The following EMILIN2 variants were observed in gnomAD, a reference collection of about 807,000 sequenced individuals.
EMILIN2 encodes the protein elastin microfibril interfacer 2.
EMILIN2 carries 71 observed loss-of-function variants against 87.1 expected under a neutral mutation model. The ratio of observed to expected loss-of-function variants is 0.82; its 90% CI spans 0.67 to 0.99. The LOEUF (loss-of-function observed/expected upper bound fraction) is 0.99, where lower values mean the gene tolerates loss of function less well. Among genes scored for constraint, EMILIN2 ranks in the 50% least tolerant of loss-of-function variants. The pLI is 0.00. For missense variants in EMILIN2, 1,407 were observed against 1,371.8 expected, an observed-to-expected ratio of 1.03 and a Z score of -0.40; for synonymous variants, 581 against 563.4, an observed-to-expected ratio of 1.03 and a Z score of -0.44.
At chr18:2,851,173 C>A (rs2076599586) in intron 2 of EMILIN2, among the ~76,000 whole-genome samples, 1 of 151,484 alleles carries the variant, frequency 6.6e-6, no homozygotes. Flanking sequence ...CAGGATGGCT[C>A]TTGCCTGTAA....
At chr18:2,875,953 A>G (rs2076745158) in intron 2 of EMILIN2, among the ~76,000 whole-genome samples, 1 of 151,760 alleles carries the variant, frequency 6.6e-6, no homozygotes, top group East Asian at 1.9e-4. Flanking sequence ...CAGGGCAAAA[A>G]TACTGAGAAG....
chr18:2,908,970 C>T lies in EMILIN2; in HGVS notation c.2690C>T (p.Ser897Phe). The T allele has an allele frequency of 1.2e-6, 2 of 1,613,410 alleles. No homozygotes were observed. Among genetic ancestry groups the T allele is most frequent in the East Asian group, 2.2e-5 (1 of 44,872 alleles). The change falls in exon 6 of 8, where the codon TCC becomes TTC. Residue 897 changes from serine (S) to phenylalanine (F), a missense_variant. Physicochemically the swap from Ser to Phe is radical, Grantham distance 155 (BLOSUM62 -2). Transcript: ENST00000254528. Reference protein sequence around the residue: ...PGYPKSPPVASPGAPVPSLVS... With the variant: ...PGYPKSPPVAFPGAPVPSLVS... ...TACCCGAAGTCACCTCCTGTAGCTTCCCCAGGTATGTCTGCTGAGAGACCA... is the reference window on the plus strand; with the variant it reads ...TACCCGAAGTCACCTCCTGTAGCTTTCCCAGGTATGTCTGCTGAGAGACCA...
At chr18:2,878,389 T>C (rs11659962) in intron 2 of EMILIN2, among the ~76,000 whole-genome samples, 95,232 of 151,616 alleles carry the variant, frequency 0.63, 30,513 homozygotes, top group East Asian at 0.92. Context: ...ATTTGCGAGA[T>C]TGAGGCAGGA....
intron 2 of EMILIN2, among the ~76,000 whole-genome samples, chr18:2,869,961 A>G (rs943742604): frequency 1.2e-4 from 18 of 152,132 alleles, no homozygotes. Context: ...ATAATAATGG[A>G]CTAGGCATGG....
At chr18:2,877,397 G>A (rs1044318078) in intron 2 of EMILIN2, among the ~76,000 whole-genome samples, 1 of 148,480 alleles carries the variant, frequency 6.7e-6, no homozygotes, top group Non-Finnish European at 1.5e-5. Flanking sequence ...ATACCACATC[G>A]TCTAAGACAA....
rs771116027 is a variant in EMILIN2, at chr18:2,892,227, C to T, written c.2100C>T (p.Ser700=). Residue 700 remains serine, a synonymous_variant, in exon 4 of 8, where the codon TCC becomes TCT. Transcript: ENST00000254528. ...CGCAGGGGGTCCAGAGGGAGGTCTC[C>T]ATGGTGGAGGGCAGGGTGTCTCATA... ...ECTQGVQREV[S]MVEGRVSHME... 3 of 1,611,024 alleles carry T rather than the reference C, an allele frequency of 1.9e-6. No individual in the cohort carries two copies. In the South Asian group the frequency reaches 3.3e-5, roughly 18 times the overall value.
intron 3 of EMILIN2, among the ~76,000 whole-genome samples, chr18:2,886,476 C>T (rs2076804039): frequency 6.6e-6 from 1 of 152,196 alleles, no homozygotes; most frequent in Non-Finnish European, 1.5e-5. Flanking sequence ...ATGGGTAGTA[C>T]TTTAAACTCT....
At chr18:2,906,576 G>A (rs1261468012) in intron 4 of EMILIN2, 1 of 381,612 alleles carries the variant, frequency 2.6e-6, no homozygotes, top group Non-Finnish European at 4.6e-6. Context: ...CCCGGGCAGG[G>A]GTCCCCGGCG....
chr18:2,852,164 G>A lies in EMILIN2; in HGVS notation c.257+4233G>A, dbSNP rs186985207. ...AATGCATTTCTGTGTGCATTCGCGC[G>A]TGTGCATGCATGTGCCTGCATGTGC... On this transcript the variant is annotated intron_variant, in intron 2 of 7. Coordinates refer to ENST00000254528, the MANE Select transcript of EMILIN2 (RefSeq NM_032048.3). 5.3e-5 allele frequency among the ~76,000 whole-genome samples: 8 copies of A among 152,324 alleles called. No homozygotes were observed. In the East Asian group the frequency reaches 1.2e-3, roughly 22 times the overall value.
intron 2 of EMILIN2, among the ~76,000 whole-genome samples, chr18:2,858,569 A>ATGTGTGTGTGTGTGTGTGTG (rs1178571289): frequency 3.6e-5 from 2 of 55,430 alleles, no homozygotes; most frequent in African/African-American, 2.4e-4. Flanking sequence ...ATATATATAT[A>ATGTGTGTGTGTGTGTGTGTG]TGTGTGTGTG....
Position 2,847,867 on chromosome 18 carries a change from G to GA in EMILIN2, c.194dup (p.Ser66GlufsTer29). ...GAGCTGCTCCGTGCTGGAGGGAAGT[G>GA]AGAGTTTTATTCAGGCTCAGTACAA... On this transcript the variant is annotated frameshift_variant, in exon 2 of 8. Transcript: ENST00000254528. LOFTEE classifies it high-confidence loss of function. This position sits in a 1 kb window ranked among gnomAD's most constrained non-coding sequence, Gnocchi z 4.5. 6.2e-7 allele frequency: 1 copy of GA among 1,613,672 alleles called. No individual in the cohort carries two copies.
intron 2 of EMILIN2, among the ~76,000 whole-genome samples, chr18:2,876,476 C>T (rs536368142): frequency 3.3e-5 from 5 of 151,854 alleles, no homozygotes; most frequent in East Asian, 1.9e-4. Flanking sequence ...TTTAAAAATA[C>T]GTACAAAGCA....
At chr18:2,909,553 G>A (rs2076931111) in intron 6 of EMILIN2, 138 bp from the exon 7 acceptor site, 3 of 1,062,222 alleles carry the variant, frequency 2.8e-6, no homozygotes, top group Non-Finnish European at 4.1e-6. Flanking sequence ...TTGGGCATGA[G>A]GAGTTTGCTT....
chr18:2,881,143 G>A (rs2076775151), intron 2 of EMILIN2, among the ~76,000 whole-genome samples: 1 of 152,146 alleles, frequency 6.6e-6, no homozygotes, highest in African/African-American at 2.4e-5. Flanking sequence ...CTCCCCCTGA[G>A]CTCCCAACTG....
chr18:2,896,163 A>C (rs2076862461), intron 4 of EMILIN2, among the ~76,000 whole-genome samples: 1 of 152,028 alleles, frequency 6.6e-6, no homozygotes, highest in Non-Finnish European at 1.5e-5. Flanking sequence ...GCATATATAT[A>C]ATGAATAAAT....
At chr18:2,884,247 C>A (rs926889950) in intron 2 of EMILIN2, among the ~76,000 whole-genome samples, 1 of 151,874 alleles carries the variant, frequency 6.6e-6, no homozygotes, top group Non-Finnish European at 1.5e-5. Flanking sequence ...TGAGCCACCG[C>A]GCCCAGCCTC....
At chr18:2,885,429 G>GTGATT (rs1158973479) in intron 3 of EMILIN2, among the ~76,000 whole-genome samples, 2 of 152,216 alleles carry the variant, frequency 1.3e-5, no homozygotes, top group African/African-American at 4.8e-5. Context: ...TCACCTGGAG[G>GTGATT]CACAGCTGTG....
intron 5 of EMILIN2, 146 bp downstream of exon 5, chr18:2,907,231 G>C: frequency 1.1e-6 from 1 of 935,778 alleles, no homozygotes; most frequent in Non-Finnish European, 1.4e-6. Flanking sequence ...GGATGCCGAG[G>C]CCCGAGGGAC....
At chr18:2,913,004 T>TA in intron 7 of EMILIN2, 63 bp from the exon 8 acceptor site, 5 of 1,560,274 alleles carry the variant, frequency 3.2e-6, no homozygotes, top group African/African-American at 1.4e-5. Flanking sequence ...GGGGGCCACT[T>TA]ACTACCATGG....
Sources: gnomAD v4.1 joint callset for allele counts (sites outside exome capture counted in the v4.1 genomes callset) on GRCh38, gnomAD v4.1.1 for gene constraint, Gnocchi (gnomAD v3.1) non-coding constraint, MANE v1.5 for transcripts, NCBI Gene and HGNC (gene_info 2026-07-23, HGNC 2026-07-21) for gene names.